Variants in NSF observed in about 807,000 individuals in gnomAD.
The protein encoded by NSF is N-ethylmaleimide sensitive factor, vesicle fusing ATPase.
NSF carries 14 observed loss-of-function variants against 50.3 expected under a neutral mutation model. The ratio of observed to expected loss-of-function variants is 0.28; its 90% CI spans 0.18 to 0.44. The LOEUF (loss-of-function observed/expected upper bound fraction) is 0.44, where lower values mean the gene tolerates loss of function less well. Ranked by LOEUF, NSF falls within the 20% of genes least tolerant of loss-of-function variation. The probability of loss-of-function intolerance (pLI) is 1.00; values close to 1 mark genes in which losing one functional copy is unlikely to be tolerated. For synonymous variants in NSF, 109 were observed against 175.7 expected, an observed-to-expected ratio of 0.62 and a Z score of 3.00; for missense variants, 218 against 504.3, an observed-to-expected ratio of 0.43 and a Z score of 5.44.
rs2058809927 is a variant in NSF at position 46,719,806 on chromosome 17, G to C, written c.1761+5820G>C. Among the ~76,000 whole-genome samples, 1 of 152,152 alleles carries C rather than the reference G, an allele frequency of 6.6e-6. No individual in the cohort carries two copies. The highest frequency in any genetic ancestry group is 2.1e-4 in the South Asian group (1 of 4,832). ...ATTACCTAATCTTGATGCTTTCTGA[G>C]TATACAATCAGTAGAGATGAAGTAG... On this transcript the variant is annotated intron_variant, in intron 15 of 20. Coordinates refer to ENST00000398238, the MANE Select transcript of NSF (RefSeq NM_006178.4). This position sits in a 1 kb window ranked among gnomAD's most constrained non-coding sequence, Gnocchi z 4.3.
intron 14 of NSF, among the ~76,000 whole-genome samples, chr17:46,712,159 A>G (rs1201267321): frequency 6.6e-6 from 1 of 151,544 alleles, no homozygotes; most frequent in East Asian, 2.0e-4. Flanking sequence ...TTGTGGTTTG[A>G]AGTATGTGGA....
chr17:46,737,589 G>C (rs1456967693), intron 17 of NSF, among the ~76,000 whole-genome samples: 1 of 151,850 alleles, frequency 6.6e-6, no homozygotes, highest in Non-Finnish European at 1.5e-5. Flanking sequence ...GTGTGTGTGT[G>C]TGTGTGTGTG....
chr17:46,631,082 A>ACACACACACACACACGCACACG (rs1555668595), intron 4 of NSF, among the ~76,000 whole-genome samples: 2 of 142,172 alleles, frequency 1.4e-5, no homozygotes, highest in East Asian at 4.4e-4. Context: ...ACACACACAC[A>ACACACACACACACACGCACACG]CACACACACA....
At chr17:46,752,982 C>T (rs199532) in intron 19 of NSF, among the ~76,000 whole-genome samples, 5,348 of 152,154 alleles carry the variant, frequency 0.035, 103 homozygotes, top group Middle Eastern at 0.1. Flanking sequence ...TTGGCCAAGC[C>T]GGTCTCGATC....
At chr17:46,608,884 G>T (rs1277285939) in intron 1 of NSF, among the ~76,000 whole-genome samples, 1 of 152,020 alleles carries the variant, frequency 6.6e-6, no homozygotes, top group Non-Finnish European at 1.5e-5. Context: ...ATGAGCCCGC[G>T]CACCTGGCCT....
In NSF at chr17:46,756,514, G is replaced by GAT. The variant is rs1753045253; in HGVS notation, c.*694_*695dup. The GAT allele has an allele frequency of 6.6e-6, 1 of 152,208 alleles. No homozygotes were observed. Among genetic ancestry groups the GAT allele is most frequent in the South Asian group, 2.1e-4 (1 of 4,818 alleles). The allele number at this position is 152,208 out of a possible 1,614,324, so 9.4% of individuals were successfully genotyped here. Reference sequence around the variant, plus strand: ...ATAACTAATTTGCTCTGTGGTAAGAGATATGCTCATTATTACCACTTAGAA... The same window carrying GAT: ...ATAACTAATTTGCTCTGTGGTAAGAGATATATGCTCATTATTACCACTTAGAA... On this transcript the variant is annotated 3_prime_UTR_variant, in exon 21 of 21. Coordinates refer to ENST00000398238, the MANE Select transcript of NSF (RefSeq NM_006178.4).
At chr17:46,755,290 C>G in intron 19 of NSF, 24 bp from the exon 20 acceptor site, 1 of 1,599,798 alleles carries the variant, frequency 6.3e-7, no homozygotes. Flanking sequence ...ATTAACCCAT[C>G]TTCATTTCTT....
At chr17:46,678,313 A>G (rs2146208089) in intron 9 of NSF, among the ~76,000 whole-genome samples, 1 of 105,128 alleles carries the variant, frequency 9.5e-6, no homozygotes, top group Admixed American at 1.1e-4. Context: ...AGAGAACTGG[A>G]AACTAAAAAT....
chr17:46,755,670 A>C (rs1463663955), intron 20 of NSF, 132 bp from the exon 21 acceptor site: 1 of 1,002,642 alleles, frequency 1.0e-6, no homozygotes, highest in African/African-American at 1.6e-5. Context: ...TGCTCATCTA[A>C]TAGCAAATGC....
chr17:46,711,798 T>C (rs2058722292), intron 14 of NSF, among the ~76,000 whole-genome samples: 1 of 152,128 alleles, frequency 6.6e-6, no homozygotes, highest in South Asian at 2.1e-4. Flanking sequence ...GAGAAACATA[T>C]TAAGCCATGA....
chr17:46,753,816 G>A (rs867150807), intron 19 of NSF, among the ~76,000 whole-genome samples: 2 of 152,180 alleles, frequency 1.3e-5, no homozygotes, highest in African/African-American at 4.8e-5. Context: ...ATGTCAAATG[G>A]ATTTCGTGCA....
chr17:46,728,597 CA>C (rs962892147), intron 16 of NSF, among the ~76,000 whole-genome samples: 1 of 149,150 alleles, frequency 6.7e-6, no homozygotes. Context: ...GACCCTGTCT[CA>C]AAAAAAAAGT....
intron 18 of NSF, among the ~76,000 whole-genome samples, chr17:46,750,147 G>A (rs2059168188): frequency 6.6e-6 from 1 of 152,214 alleles, no homozygotes; most frequent in Non-Finnish European, 1.5e-5. Context: ...GAGGTCAGGA[G>A]TTCGAGACCA....
chr17:46,599,192 A>G (rs1379599441), intron 1 of NSF, among the ~76,000 whole-genome samples: 2 of 28,780 alleles, frequency 6.9e-5, no homozygotes, highest in Non-Finnish European at 1.2e-4. Context: ...TGGGCAATAC[A>G]CTAAGCACTT....
At chr17:46,622,549 G>A (rs1474261862) in intron 1 of NSF, among the ~76,000 whole-genome samples, 12 of 148,372 alleles carry the variant, frequency 8.1e-5, no homozygotes, top group Non-Finnish European at 1.5e-4. Context: ...TTGGGAGGCC[G>A]AGGCGGGCGG....
At chr17:46,753,495 TTTG>T (rs1400328768) in intron 19 of NSF, among the ~76,000 whole-genome samples, 1 of 152,180 alleles carries the variant, frequency 6.6e-6, no homozygotes, top group Non-Finnish European at 1.5e-5. Flanking sequence ...GACTAACCAC[TTTG>T]TTTAGACTTA....
chr17:46,677,931 C>T (rs2058417980), intron 9 of NSF, among the ~76,000 whole-genome samples: 1 of 144,260 alleles, frequency 6.9e-6, no homozygotes. Context: ...CCCTGAAGGG[C>T]TACACCATAG....
intron 18 of NSF, among the ~76,000 whole-genome samples, chr17:46,750,924 A>G (rs2059176234): frequency 6.6e-6 from 1 of 152,056 alleles, no homozygotes; most frequent in Non-Finnish European, 1.5e-5. Context: ...TTTTTTGAAA[A>G]TGACAGTCAT....
chr17:46,693,356 G>T (rs886817427), intron 10 of NSF, among the ~76,000 whole-genome samples: 1 of 151,894 alleles, frequency 6.6e-6, no homozygotes, highest in Admixed American at 6.6e-5. Flanking sequence ...ATGGAATGCA[G>T]TGGTTTTCAA....
Sources: gnomAD v4.1 joint callset for allele counts (sites outside exome capture counted in the v4.1 genomes callset) on GRCh38, gnomAD v4.1.1 for gene constraint, Gnocchi (gnomAD v3.1) non-coding constraint, MANE v1.5 for transcripts, NCBI Gene and HGNC (gene_info 2026-07-23, HGNC 2026-07-21) for gene names.